The following CFAP299 variants were observed in gnomAD, a reference collection of about 807,000 sequenced individuals.
The protein encoded by CFAP299 is cilia- and flagella-associated protein 299.
In CFAP299, 21 loss-of-function variants were observed where a neutral mutation model predicts 27.0. The ratio of observed to expected loss-of-function variants is 0.78; its 90% CI spans 0.55 to 1.12. The LOEUF is 1.12. CFAP299 is among the 50% of genes most tolerant of loss of function. The probability of loss-of-function intolerance (pLI) is 0.00; values close to 1 mark genes in which losing one functional copy is unlikely to be tolerated. For synonymous variants in CFAP299, 104 were observed against 98.1 expected (o/e 1.06, Z -0.36); for missense variants, 310 against 276.6 (o/e 1.12, Z -0.86).
intron 2 of CFAP299, among the ~76,000 whole-genome samples, chr4:80,395,967 A>C (rs1005461707): frequency 1.3e-5 from 2 of 152,138 alleles, no homozygotes; most frequent in African/African-American, 2.4e-5. Flanking sequence ...ACAAATACAC[A>C]CACAATGTCT....
intron 5 of CFAP299, among the ~76,000 whole-genome samples, chr4:80,947,898 TA>T (rs1578260347): frequency 6.6e-6 from 1 of 152,104 alleles, no homozygotes; most frequent in East Asian, 1.9e-4. Flanking sequence ...ATAAGCAAAA[TA>T]AATATCTGCA....
At chr4:80,703,627 C>T (rs573127980) in intron 3 of CFAP299, among the ~76,000 whole-genome samples, 111 of 151,596 alleles carry the variant, frequency 7.3e-4, no homozygotes, top group African/African-American at 2.5e-3. Context: ...AAAATAACTG[C>T]AATGAAAGCA....
At chr4:80,833,323 T>C (rs532480264) in intron 3 of CFAP299, among the ~76,000 whole-genome samples, 29 of 152,148 alleles carry the variant, frequency 1.9e-4, no homozygotes, top group Non-Finnish European at 4.0e-4. Context: ...TGAACAGTTG[T>C]TTATTTGGGA....
chr4:80,540,845 A>G (rs1161716300), intron 2 of CFAP299, among the ~76,000 whole-genome samples: 1 of 152,240 alleles, frequency 6.6e-6, no homozygotes, highest in South Asian at 2.1e-4. Context: ...CTTATATCTT[A>G]TAACAAACCT....
At chr4:80,468,308 C>G (rs899909760) in intron 2 of CFAP299, among the ~76,000 whole-genome samples, 1 of 151,452 alleles carries the variant, frequency 6.6e-6, no homozygotes, top group Non-Finnish European at 1.5e-5. Context: ...ACTGCAACCT[C>G]TGCCTCCTGG....
chr4:80,482,451 A>G (rs1202909685), intron 2 of CFAP299, among the ~76,000 whole-genome samples: 1 of 152,162 alleles, frequency 6.6e-6, no homozygotes, highest in African/African-American at 2.4e-5. Flanking sequence ...TAGCACATAA[A>G]CTTGATAAAA....
chr4:80,900,326 T>C (rs1734825135), intron 4 of CFAP299, among the ~76,000 whole-genome samples: 1 of 152,186 alleles, frequency 6.6e-6, no homozygotes, highest in South Asian at 2.1e-4. Flanking sequence ...TCTCTCTTAT[T>C]ATTTTATGTT....
chr4:80,898,448 TG>T (rs1734722411), intron 4 of CFAP299, among the ~76,000 whole-genome samples: 1 of 151,906 alleles, frequency 6.6e-6, no homozygotes, highest in South Asian at 2.1e-4. Flanking sequence ...CAGCTGAACC[TG>T]GGGTTTTTAT....
At chr4:80,913,833 C>T (rs1252284974) in intron 4 of CFAP299, among the ~76,000 whole-genome samples, 1 of 152,138 alleles carries the variant, frequency 6.6e-6, no homozygotes, top group African/African-American at 2.4e-5. Flanking sequence ...CTAAAGTATG[C>T]CTTTTGGCCC....
chr4:80,800,375 T>C (rs1401782094), intron 3 of CFAP299, among the ~76,000 whole-genome samples: 4 of 66,608 alleles, frequency 6.0e-5, no homozygotes, highest in East Asian at 9.3e-4. Context: ...ATATAATATA[T>C]ATAATATATA....
chr4:80,354,997 T>A (rs1723193861), intron 1 of CFAP299, among the ~76,000 whole-genome samples: 1 of 152,184 alleles, frequency 6.6e-6, no homozygotes, highest in South Asian at 2.1e-4. Flanking sequence ...TGTGCATGTA[T>A]ATTTATAATA....
At chr4:80,710,483 C>CT (rs372010060) in intron 3 of CFAP299, among the ~76,000 whole-genome samples, 9,788 of 94,928 alleles carry the variant, frequency 0.1, 607 homozygotes, top group East Asian at 0.25. Flanking sequence ...TTTTCTTTTT[C>CT]TTTTTTTTTT....
chr4:80,870,630 C>A, intron 4 of CFAP299: 2 of 985,828 alleles, frequency 2.0e-6, no homozygotes, highest in South Asian at 9.4e-5. Context: ...TTCTAGAACC[C>A]TTATCTATCA....
chr4:80,776,626 C>T (rs1287499906), intron 3 of CFAP299, among the ~76,000 whole-genome samples: 3 of 151,822 alleles, frequency 2.0e-5, no homozygotes, highest in African/African-American at 4.8e-5. Flanking sequence ...AGGACAAATA[C>T]CTAATACATG....
intron 2 of CFAP299, among the ~76,000 whole-genome samples, chr4:80,392,722 T>G (rs1725554334): frequency 6.6e-6 from 1 of 152,158 alleles, no homozygotes; most frequent in Non-Finnish European, 1.5e-5. Flanking sequence ...GGGTATGTCT[T>G]TATTAGCAGC....
intron 2 of CFAP299, among the ~76,000 whole-genome samples, chr4:80,385,642 C>T (rs1724935390): frequency 6.6e-6 from 1 of 152,200 alleles, no homozygotes; most frequent in Non-Finnish European, 1.5e-5. Flanking sequence ...GAATTGAAGC[C>T]AGATCTGTCT....
At chr4:80,592,651 A>G (rs1160641373) in intron 3 of CFAP299, among the ~76,000 whole-genome samples, 4 of 152,324 alleles carry the variant, frequency 2.6e-5, no homozygotes, top group African/African-American at 9.6e-5. Flanking sequence ...TCAGAGGATT[A>G]AAAGGGATAT....
At chr4:80,936,960 G>A (rs980711911) in intron 4 of CFAP299, among the ~76,000 whole-genome samples, 1 of 151,830 alleles carries the variant, frequency 6.6e-6, no homozygotes, top group East Asian at 1.9e-4. Flanking sequence ...TATCTGTTAG[G>A]TCCCTTTGTA....
At chr4:80,846,468 T>C (rs897902362) in intron 3 of CFAP299, among the ~76,000 whole-genome samples, 11 of 152,308 alleles carry the variant, frequency 7.2e-5, no homozygotes, top group African/African-American at 2.6e-4. Context: ...CTCTAAGGCA[T>C]AGTATGATTT....
Sources: allele counts gnomAD v4.1 joint callset (sites outside exome capture counted in the v4.1 genomes callset), GRCh38; gene constraint gnomAD v4.1.1; transcripts MANE v1.5; gene names NCBI Gene and HGNC (gene_info 2026-07-23, HGNC 2026-07-21).